TMEM132D: variants seen among roughly 807,000 people sequenced by gnomAD.
TMEM132D encodes mature OL transmembrane protein.
TMEM132D carries 21 observed loss-of-function variants against 62.3 expected under a neutral mutation model. The observed-to-expected ratio is 0.34, with a 90% CI of 0.24 to 0.49. The LOEUF is 0.49. TMEM132D is among the 20% of genes least tolerant of loss of function. The pLI, the probability that TMEM132D is intolerant of heterozygous loss-of-function variation, is 0.99. For missense variants in TMEM132D, 1,346 were observed against 1,402.8 expected (o/e 0.96, Z 0.65); for synonymous variants, 621 against 575.6 (o/e 1.08, Z -1.13).
chr12:129,343,711 A>G (rs929192520), intron 3 of TMEM132D, among the ~76,000 whole-genome samples: 9 of 151,522 alleles, frequency 5.9e-5, no homozygotes, highest in African/African-American at 2.2e-4. Flanking sequence ...CAGGAGTTCA[A>G]GACCAGCCTG....
chr12:129,171,330 C>T (rs1455075991), intron 5 of TMEM132D, among the ~76,000 whole-genome samples: 4 of 152,132 alleles, frequency 2.6e-5, no homozygotes, highest in Non-Finnish European at 4.4e-5. Context: ...CTTGCTGTTT[C>T]CCCCACACCT....
chr12:129,179,323 TTTTTG>T lies in TMEM132D; in HGVS notation c.1443+30192_1443+30196del, dbSNP rs532316155. Among the ~76,000 whole-genome samples, 395 of 129,684 alleles carry T rather than the reference TTTTTG, an allele frequency of 3.0e-3. 4 individuals carry two copies. Among genetic ancestry groups the T allele is most frequent in the African/African-American group, 0.013 (369 of 29,344 alleles). The allele number at this position is 129,684 out of a possible 152,430, so 85.1% of individuals were successfully genotyped here. ...GTGGTCCCTCCAGAGGTAGCCTTTT[TTTTTG>T]TTTTTTGTTTTTTGTTTTTTTTCTA... On this transcript the variant is annotated intron_variant, in intron 5 of 8. Coordinates refer to ENST00000422113, the MANE Select transcript of TMEM132D (RefSeq NM_133448.3).
At chr12:129,845,252 C>T (rs760956253) in intron 1 of TMEM132D, among the ~76,000 whole-genome samples, 1 of 152,146 alleles carries the variant, frequency 6.6e-6, no homozygotes, top group Admixed American at 6.5e-5. Context: ...ATAATCAAAA[C>T]AACACTTCCC....
intron 2 of TMEM132D, among the ~76,000 whole-genome samples, chr12:129,658,580 G>C (rs1022720359): frequency 6.6e-6 from 1 of 152,098 alleles, no homozygotes; most frequent in Non-Finnish European, 1.5e-5. Context: ...CCTGAAACTT[G>C]GGGTGGCCTC....
intron 2 of TMEM132D, among the ~76,000 whole-genome samples, chr12:129,671,562 C>T (rs1030223838): frequency 6.6e-6 from 1 of 151,950 alleles, no homozygotes; most frequent in East Asian, 1.9e-4. Flanking sequence ...AACTAGCCAA[C>T]GTGGTGAGGG....
intron 2 of TMEM132D, among the ~76,000 whole-genome samples, chr12:129,686,058 CT>C (rs1807097450): frequency 1.3e-5 from 2 of 152,264 alleles, no homozygotes; most frequent in Middle Eastern, 3.4e-3. Context: ...AAGGACTTGC[CT>C]TTTCTCAGAT....
intron 4 of TMEM132D, among the ~76,000 whole-genome samples, chr12:129,287,436 T>C (rs1881332931): frequency 6.6e-6 from 1 of 152,236 alleles, no homozygotes. Context: ...CTAAAATTTG[T>C]GGGCAAAATA....
At chr12:129,116,833 G>C (rs571812424) in intron 5 of TMEM132D, among the ~76,000 whole-genome samples, 1 of 134,550 alleles carries the variant, frequency 7.4e-6, no homozygotes, top group Admixed American at 8.5e-5. Context: ...CAGTTTGGTA[G>C]TTTCTTACGA....
chr12:129,684,129 T>A (rs1880850898), intron 2 of TMEM132D, among the ~76,000 whole-genome samples: 1 of 151,690 alleles, frequency 6.6e-6, no homozygotes, highest in South Asian at 2.1e-4. Flanking sequence ...ATAATAATAA[T>A]AAATTCCATT....
intron 3 of TMEM132D, among the ~76,000 whole-genome samples, chr12:129,406,364 T>C (rs1871788053): frequency 6.6e-6 from 1 of 152,214 alleles, no homozygotes; most frequent in African/African-American, 2.4e-5. Flanking sequence ...CTTACGCCTG[T>C]AATCCCACCA....
intron 2 of TMEM132D, among the ~76,000 whole-genome samples, chr12:129,674,123 T>C (rs1880571285): frequency 6.6e-6 from 1 of 152,150 alleles, no homozygotes; most frequent in Admixed American, 6.6e-5. Flanking sequence ...GTCAAGAGTT[T>C]GAAAAGCAGA....
In TMEM132D at chr12:129,343,979, T is replaced by C. The variant is rs181109746; in HGVS notation, c.1116-6162A>G. ...TAATAATATTGATTCTTGCAAAACA[T>C]AGTAATTAAGAAAACTAATCCTTTG... On this transcript the variant is annotated intron_variant, in intron 3 of 8. Coordinates refer to ENST00000422113, the MANE Select transcript of TMEM132D (RefSeq NM_133448.3). Among the ~76,000 whole-genome samples, 234 of 152,214 alleles carry C rather than the reference T, an allele frequency of 1.5e-3. 1 individual carries two copies. Among genetic ancestry groups the C allele is most frequent in the Admixed American group, 4.4e-3 (67 of 15,290 alleles).
intron 1 of TMEM132D, among the ~76,000 whole-genome samples, chr12:129,800,202 G>A (rs146362831): frequency 5.3e-5 from 8 of 152,270 alleles, no homozygotes; most frequent in African/African-American, 7.2e-5. Flanking sequence ...GTGGATTTAA[G>A]TAGGGCACAA....
At chr12:129,820,789 A>G (rs1230669446) in intron 1 of TMEM132D, among the ~76,000 whole-genome samples, 3 of 152,156 alleles carry the variant, frequency 2.0e-5, no homozygotes, top group Non-Finnish European at 4.4e-5. Flanking sequence ...GGATTTTGCT[A>G]TGTTGCCCAG....
chr12:129,090,713 G>A lies in TMEM132D; in HGVS notation c.1444-6011C>T, dbSNP rs572980880. On this transcript the variant is annotated intron_variant, in intron 5 of 8. Coordinates refer to ENST00000422113, the MANE Select transcript of TMEM132D (RefSeq NM_133448.3). Reference sequence around the variant, plus strand: ...AAAAGAAAACGGGTTGCAGAATAGAGAAAATTGAGCCAACATTCAAAACTT... The same window carrying A: ...AAAAGAAAACGGGTTGCAGAATAGAAAAAATTGAGCCAACATTCAAAACTT... Among the ~76,000 whole-genome samples, 10 of 152,188 alleles carry A rather than the reference G, an allele frequency of 6.6e-5. No individual in the cohort carries two copies. The South Asian group carries it at 2.1e-3, about 32-fold the overall frequency.
At chr12:129,707,471 A>C (rs1565956785) in intron 1 of TMEM132D, among the ~76,000 whole-genome samples, 1 of 152,136 alleles carries the variant, frequency 6.6e-6, no homozygotes, top group Non-Finnish European at 1.5e-5. Flanking sequence ...AAATTCTAAA[A>C]GACACACAGT....
rs752057033 is a variant in TMEM132D at position 129,441,055 on chromosome 12, C to A, written c.1115+90004G>T. Among the ~76,000 whole-genome samples, 6 of 152,272 alleles carry A rather than the reference C, an allele frequency of 3.9e-5. 1 individual carries two copies. The East Asian group carries it at 1.2e-3, about 29-fold the overall frequency. ...GGTGACATATAAGTCAGGGTCTAGTCGAGCTACCATCTAGAGTTCAATAGA... is the reference window on the plus strand; with the variant it reads ...GGTGACATATAAGTCAGGGTCTAGTAGAGCTACCATCTAGAGTTCAATAGA... On this transcript the variant is annotated intron_variant, in intron 3 of 8. Coordinates refer to ENST00000422113, the MANE Select transcript of TMEM132D (RefSeq NM_133448.3).
At chr12:129,556,255 C>T (rs1877054345) in intron 2 of TMEM132D, among the ~76,000 whole-genome samples, 1 of 152,162 alleles carries the variant, frequency 6.6e-6, no homozygotes, top group Non-Finnish European at 1.5e-5. Flanking sequence ...CACCCAGCAG[C>T]TGTCTGTGCA....
rs138983478 is a variant in TMEM132D at position 129,319,792 on chromosome 12, A to T, written c.1299+17842T>A. On this transcript the variant is annotated intron_variant, in intron 4 of 8. Transcript: ENST00000422113. ...AAGGTATTGTCCTTTCCTGTTCCAA[A>T]TGTCAGTTAATAAGCTGAGTGAGGA... 3.0e-3 allele frequency among the ~76,000 whole-genome samples: 458 copies of T among 152,326 alleles called. 3 individuals carry two copies. The highest frequency in any genetic ancestry group is 0.01 in the African/African-American group (434 of 41,564).
Sources: gnomAD v4.1 joint callset for allele counts (sites outside exome capture counted in the v4.1 genomes callset) on GRCh38, gnomAD v4.1.1 for gene constraint, MANE v1.5 for transcripts, NCBI Gene and HGNC (gene_info 2026-07-23, HGNC 2026-07-21) for gene names.